Variants in KIAA1328 observed in about 807,000 individuals in gnomAD.
KIAA1328 encodes protein hinderin.
In KIAA1328, 52 loss-of-function variants were observed where a neutral mutation model predicts 68.1. That is an observed-to-expected ratio of 0.76 (90% CI 0.61 to 0.96). The LOEUF is 0.96. Among genes scored for constraint, KIAA1328 ranks in the 40% least tolerant of loss-of-function variants. The pLI, the probability that KIAA1328 is intolerant of heterozygous loss-of-function variation, is 0.00. For synonymous variants in KIAA1328, 232 were observed against 239.4 expected, an observed-to-expected ratio of 0.97 and a Z score of 0.28; for missense variants, 641 against 677.6, an observed-to-expected ratio of 0.95 and a Z score of 0.60.
chr18:37,033,690 A>G (rs575302210), intron 6 of KIAA1328, among the ~76,000 whole-genome samples: 17 of 152,306 alleles, frequency 1.1e-4, no homozygotes, highest in African/African-American at 3.6e-4. Context: ...TTCTGTGCTG[A>G]TTACTCAACT....
At chr18:37,111,992 T>C (rs544602079) in intron 7 of KIAA1328, among the ~76,000 whole-genome samples, 1 of 152,314 alleles carries the variant, frequency 6.6e-6, no homozygotes, top group African/African-American at 2.4e-5. Context: ...CCGCCATTGC[T>C]AAGGCTTGAG....
chr18:37,161,465 A>T (rs2059277756), intron 8 of KIAA1328, among the ~76,000 whole-genome samples: 1 of 152,260 alleles, frequency 6.6e-6, no homozygotes, highest in Non-Finnish European at 1.5e-5. Flanking sequence ...AAATAAAAGC[A>T]AAAGTACATT....
At chr18:37,025,038 T>C (rs1032626546) in intron 6 of KIAA1328, among the ~76,000 whole-genome samples, 2 of 152,180 alleles carry the variant, frequency 1.3e-5, no homozygotes, top group African/African-American at 2.4e-5. Flanking sequence ...CTCCAGCACC[T>C]GTTGTTTCCT....
chr18:36,882,216 A>G (rs2048349119), intron 4 of KIAA1328, among the ~76,000 whole-genome samples: 1 of 152,230 alleles, frequency 6.6e-6, no homozygotes, highest in African/African-American at 2.4e-5. Context: ...AACCATAGAA[A>G]GTGAAACTAT....
intron 9 of KIAA1328, among the ~76,000 whole-genome samples, chr18:37,218,292 C>G (rs1291219225): frequency 6.6e-6 from 1 of 152,216 alleles, no homozygotes; most frequent in Non-Finnish European, 1.5e-5. Context: ...GAACTTCATA[C>G]ATTGTTTGCT....
intron 8 of KIAA1328, among the ~76,000 whole-genome samples, chr18:37,170,096 AT>A (rs2059471931): frequency 6.6e-6 from 1 of 152,134 alleles, no homozygotes; most frequent in South Asian, 2.1e-4. Flanking sequence ...TACCCAGACA[AT>A]TGTATTAGTA....
intron 7 of KIAA1328, among the ~76,000 whole-genome samples, chr18:37,101,022 G>A (rs946902748): frequency 3.9e-5 from 6 of 152,102 alleles, no homozygotes; most frequent in Admixed American, 6.5e-5. Flanking sequence ...CCATCTGTAC[G>A]TCACCATCAT....
At chr18:36,901,179 C>G (rs538511124) in intron 5 of KIAA1328, among the ~76,000 whole-genome samples, 85 of 152,010 alleles carry the variant, frequency 5.6e-4, no homozygotes, top group African/African-American at 2.0e-3. Context: ...TTAAAGTATT[C>G]TCTATATTTT....
intron 6 of KIAA1328, among the ~76,000 whole-genome samples, chr18:36,969,998 C>A (rs1369627252): frequency 6.6e-6 from 1 of 152,128 alleles, no homozygotes; most frequent in Non-Finnish European, 1.5e-5. Context: ...GGCAGAGACA[C>A]AGCAAAAAAT....
chr18:36,946,411 A>G (rs1348214017), intron 5 of KIAA1328: 1 of 152,180 alleles, frequency 6.6e-6, no homozygotes, highest in Non-Finnish European at 1.5e-5. Context: ...TGATACGCAT[A>G]CCGTAAGTAT....
intron 9 of KIAA1328, among the ~76,000 whole-genome samples, chr18:37,198,000 G>A (rs918877330): frequency 4.6e-5 from 7 of 152,112 alleles, no homozygotes; most frequent in Non-Finnish European, 7.4e-5. Flanking sequence ...TCATACTGTG[G>A]GGTATTATTT....
chr18:37,030,029 A>C (rs1256322565), intron 6 of KIAA1328, among the ~76,000 whole-genome samples: 3 of 152,154 alleles, frequency 2.0e-5, no homozygotes, highest in Non-Finnish European at 4.4e-5. Flanking sequence ...TTATCTTAAT[A>C]TCTGTGGCAC....
chr18:37,112,105 G>C lies in KIAA1328; in HGVS notation c.1232+44560G>C, dbSNP rs1486531346. On this transcript the variant is annotated intron_variant, in intron 7 of 9. Transcript: ENST00000280020. ...ACTCCACCTCCGGGGGCAAGGCATA[G>C]CTGAACAAAAGGCAGCAGAAACTTC... 2.6e-5 allele frequency among the ~76,000 whole-genome samples: 4 copies of C among 152,214 alleles called. No individual in the cohort carries two copies. The South Asian group carries it at 6.2e-4, about 24-fold the overall frequency.
At chr18:36,869,190 T>G (rs2047859845) in intron 4 of KIAA1328, among the ~76,000 whole-genome samples, 1 of 152,128 alleles carries the variant, frequency 6.6e-6, no homozygotes, top group Non-Finnish European at 1.5e-5. Flanking sequence ...TAGAAAGGCA[T>G]TCTCTGAATT....
At chr18:37,122,918 A>C (rs2058307646) in intron 7 of KIAA1328, among the ~76,000 whole-genome samples, 2 of 152,304 alleles carry the variant, frequency 1.3e-5, no homozygotes, top group African/African-American at 4.8e-5. Flanking sequence ...ATGAATTTGT[A>C]CTGCCTCTTT....
intron 4 of KIAA1328, among the ~76,000 whole-genome samples, chr18:36,883,737 G>A (rs367762780): frequency 2.0e-5 from 3 of 152,030 alleles, no homozygotes; most frequent in Non-Finnish European, 4.4e-5. Flanking sequence ...TTTGTTTTAT[G>A]CATCATCCTA....
chr18:37,053,107 A>G (rs780160500), intron 6 of KIAA1328, among the ~76,000 whole-genome samples: 5 of 152,234 alleles, frequency 3.3e-5, no homozygotes, highest in Non-Finnish European at 5.9e-5. Context: ...ACAAGGAAAT[A>G]GTAATCAGAA....
chr18:36,902,413 T>C (rs1396161670), intron 5 of KIAA1328: 1 of 152,096 alleles, frequency 6.6e-6, no homozygotes, highest in Non-Finnish European at 1.5e-5. Context: ...TTTGCCTTTT[T>C]AGTATTAACG....
chr18:37,136,923 A>C (rs550310513), intron 7 of KIAA1328, among the ~76,000 whole-genome samples: 2 of 152,368 alleles, frequency 1.3e-5, no homozygotes, highest in South Asian at 4.1e-4. Context: ...TTTAGTGATC[A>C]CTACAGTAGA....
Sources: allele counts gnomAD v4.1 joint callset (sites outside exome capture counted in the v4.1 genomes callset), GRCh38; gene constraint gnomAD v4.1.1; transcripts MANE v1.5; gene names NCBI Gene and HGNC (gene_info 2026-07-23, HGNC 2026-07-21).